TSG101: variants seen among roughly 807,000 people sequenced by gnomAD.
TSG101 encodes the protein tumor susceptibility gene 101 protein.
TSG101 carries 19 observed loss-of-function variants against 48.5 expected under a neutral mutation model. The observed-to-expected ratio is 0.39, with a 90% CI of 0.27 to 0.58. The LOEUF (loss-of-function observed/expected upper bound fraction) is 0.58. Among genes scored for constraint, TSG101 ranks in the 20% least tolerant of loss-of-function variants. TSG101 has a pLI of 0.55. For synonymous variants in TSG101, 174 were observed against 169.4 expected (o/e 1.03, Z -0.21); for missense variants, 365 against 484.4 (o/e 0.75, Z 2.31).
rs1457754094 is a variant in TSG101 at position 18,516,070 on chromosome 11, C to G, written c.193+29G>C. ...TATTTATTATGTATTCAAAATGCAT[C>G]TATGCTGGAAACCTAATAAGACATT... On this transcript the variant is annotated intron_variant, in intron 3 of 9. Coordinates refer to ENST00000251968, the MANE Select transcript of TSG101 (RefSeq NM_006292.4). 3 of 1,594,836 alleles carry G rather than the reference C, an allele frequency of 1.9e-6. No individual in the cohort carries two copies. The African/African-American group carries it at 4.0e-5, about 21-fold the overall frequency.
chr11:18,500,323 T>C (rs936846940), intron 7 of TSG101, among the ~76,000 whole-genome samples: 16 of 152,228 alleles, frequency 1.1e-4, no homozygotes, highest in African/African-American at 3.9e-4. Context: ...ACTGATTTCC[T>C]TTCCCTTGGA....
intron 7 of TSG101, chr11:18,490,549 T>C: frequency 2.0e-6 from 1 of 489,432 alleles, no homozygotes; most frequent in South Asian, 1.9e-5. Flanking sequence ...TTCCACACAG[T>C]GGTTTGTTTG....
chr11:18,513,872 C>T (rs1210674933), intron 4 of TSG101, among the ~76,000 whole-genome samples: 1 of 152,044 alleles, frequency 6.6e-6, no homozygotes, highest in African/African-American at 2.4e-5. Flanking sequence ...GTCAGGAGTT[C>T]GAGAACAGCC....
At chr11:18,507,145 C>T (rs1251489477) in intron 5 of TSG101, among the ~76,000 whole-genome samples, 1 of 152,156 alleles carries the variant, frequency 6.6e-6, no homozygotes, top group African/African-American at 2.4e-5. Context: ...AAAGAACTGG[C>T]AAACAGGTCA....
At chr11:18,499,251 ATAT>A (rs1303563649) in intron 7 of TSG101, among the ~76,000 whole-genome samples, 2 of 135,244 alleles carry the variant, frequency 1.5e-5, no homozygotes, top group South Asian at 2.2e-4. Flanking sequence ...ATATATTTAT[ATAT>A]TATATATATT....
intron 7 of TSG101, among the ~76,000 whole-genome samples, chr11:18,494,022 A>G (rs1399291509): frequency 6.6e-6 from 1 of 152,230 alleles, no homozygotes; most frequent in Non-Finnish European, 1.5e-5. Context: ...TCAATAAGAA[A>G]AAATTTAAAG....
At chr11:18,510,075 T>C (rs1850053277) in intron 4 of TSG101, among the ~76,000 whole-genome samples, 2 of 152,186 alleles carry the variant, frequency 1.3e-5, no homozygotes, top group Non-Finnish European at 2.9e-5. Flanking sequence ...ATCTTGGAAA[T>C]ACGTGTTCTT....
At chr11:18,484,857 T>C (rs1363113918) in intron 7 of TSG101, among the ~76,000 whole-genome samples, 8 of 152,080 alleles carry the variant, frequency 5.3e-5, no homozygotes, top group African/African-American at 1.9e-4. Flanking sequence ...AATGTGTAAA[T>C]GGCATTTTGA....
chr11:18,526,756 G>A lies in TSG101; in HGVS notation c.42+19C>T, dbSNP rs200530920. ...GAGCGGTGGGCGCGCCCTGGGAGGC[G>A]AGCGCGTCGCAGCCTCACCTTGGAC... On this transcript the variant is annotated intron_variant, in intron 1 of 9. Coordinates refer to ENST00000251968, the MANE Select transcript of TSG101 (RefSeq NM_006292.4). 29 of 1,599,366 alleles carry A rather than the reference G, an allele frequency of 1.8e-5. No homozygotes were observed. In the Admixed American group the frequency reaches 3.0e-4, roughly 17 times the overall value.
At chr11:18,510,722 A>T (rs1850065078) in intron 4 of TSG101, among the ~76,000 whole-genome samples, 1 of 152,062 alleles carries the variant, frequency 6.6e-6, no homozygotes, top group Non-Finnish European at 1.5e-5. Flanking sequence ...TCCATTTTGT[A>T]ATCCAGCTTG....
intron 7 of TSG101, among the ~76,000 whole-genome samples, chr11:18,488,058 G>A (rs1326267333): frequency 6.6e-6 from 1 of 152,170 alleles, no homozygotes; most frequent in African/African-American, 2.4e-5. Context: ...AACCACAGGT[G>A]TGCTTGCTAG....
rs917563952 is a variant in TSG101, at chr11:18,521,359, C to CTTTTTT, written c.43-1762_43-1757dup. On this transcript the variant is annotated intron_variant, in intron 1 of 9. Coordinates refer to ENST00000251968, the MANE Select transcript of TSG101 (RefSeq NM_006292.4). ...CAGCAATATTTGACCAAACTGATTCCTTTTTTTTTTTTTTTTTTTTTTTTT... is the reference window on the plus strand; with the variant it reads ...CAGCAATATTTGACCAAACTGATTCCTTTTTTTTTTTTTTTTTTTTTTTTTTTTTTT... Among the ~76,000 whole-genome samples the CTTTTTT allele has an allele frequency of 5.2e-4, 52 of 99,792 alleles. 3 individuals carry two copies. Among genetic ancestry groups the CTTTTTT allele is most frequent in the Non-Finnish European group, 8.2e-4 (41 of 49,698 alleles). 65.5% of individuals were successfully genotyped at this position (99,792 alleles called of 152,430 possible).
At chr11:18,509,726 G>T in intron 4 of TSG101, 61 bp from the exon 5 acceptor site, 2 of 1,497,536 alleles carry the variant, frequency 1.3e-6, no homozygotes, top group Non-Finnish European at 1.8e-6. Context: ...AAAGAAAAAG[G>T]TTAGCCATTT....
chr11:18,517,867 C>T (rs759413781), intron 2 of TSG101, among the ~76,000 whole-genome samples: 51 of 152,074 alleles, frequency 3.4e-4, no homozygotes, highest in Non-Finnish European at 5.4e-4. Flanking sequence ...TAAGCTATAC[C>T]GCAATGTATT....
chr11:18,499,399 TA>T (rs1449044970), intron 7 of TSG101, among the ~76,000 whole-genome samples: 247 of 14,990 alleles, frequency 0.016, 13 homozygotes, highest in African/African-American at 0.057. Flanking sequence ...TATATATATA[TA>T]TATTTTTTTT....
chr11:18,487,599 C>T (rs1473167503), intron 7 of TSG101, among the ~76,000 whole-genome samples: 1 of 152,182 alleles, frequency 6.6e-6, no homozygotes, highest in African/African-American at 2.4e-5. Flanking sequence ...ATTCCAGGCT[C>T]AAGCTATCCT....
chr11:18,507,476 C>G (rs1849994412), intron 5 of TSG101: 1 of 152,008 alleles, frequency 6.6e-6, no homozygotes, highest in South Asian at 2.1e-4. Flanking sequence ...AAGAAACAAA[C>G]AAAACAAAAG....
intron 7 of TSG101, among the ~76,000 whole-genome samples, chr11:18,495,546 A>G (rs1332285032): frequency 2.0e-5 from 3 of 151,192 alleles, no homozygotes; most frequent in Non-Finnish European, 2.9e-5. Context: ...CATACCCACT[A>G]TTTTTCAGGG....
At position 18,526,917 on chromosome 11, in the gene TSG101, A is replaced by G; in HGVS notation, c.-101T>C. On this transcript the variant is annotated 5_prime_UTR_variant, in exon 1 of 10. Transcript: ENST00000251968. ...AATCGCACACCCCCAACCCGGCCTCAAACAACAGGAAGTCGGCACCACTAC... is the reference window on the plus strand; with the variant it reads ...AATCGCACACCCCCAACCCGGCCTCGAACAACAGGAAGTCGGCACCACTAC... 2 of 1,330,096 alleles carry G rather than the reference A, an allele frequency of 1.5e-6. No homozygotes were observed. Among genetic ancestry groups the G allele is most frequent in the Non-Finnish European group, 2.1e-6 (2 of 969,766 alleles). 82.4% of individuals were successfully genotyped at this position (1,330,096 alleles called of 1,614,324 possible). A position where few individuals can be genotyped will look rare whatever the true frequency, so the allele number is the denominator to read the frequency against.
Sources: allele counts gnomAD v4.1 joint callset (sites outside exome capture counted in the v4.1 genomes callset), GRCh38; gene constraint gnomAD v4.1.1; transcripts MANE v1.5; gene names NCBI Gene and HGNC (gene_info 2026-07-23, HGNC 2026-07-21).